The following UBASH3A variants were observed in gnomAD, a reference collection of about 807,000 sequenced individuals.
The protein encoded by UBASH3A is ubiquitin-associated and SH3 domain-containing protein A.
In UBASH3A, 63 loss-of-function variants were observed where a neutral mutation model predicts 73.5. The ratio of observed to expected loss-of-function variants is 0.86; its 90% confidence interval spans 0.70 to 1.06. UBASH3A has a LOEUF of 1.06. Ranked by LOEUF, UBASH3A falls within the 50% of genes least tolerant of loss-of-function variation. UBASH3A has a pLI of 0.00. For missense variants in UBASH3A, 860 were observed against 859.0 expected, an observed-to-expected ratio of 1.00 and a Z score of -0.02; for synonymous variants, 363 against 351.1, an observed-to-expected ratio of 1.03 and a Z score of -0.38.
intron 10 of UBASH3A, 168 bp downstream of exon 10, chr21:42,435,122 A>G: frequency 1.4e-6 from 1 of 726,988 alleles, no homozygotes. Flanking sequence ...AACTTGCCCA[A>G]GGTCACACAG....
intron 1 of UBASH3A, among the ~76,000 whole-genome samples, chr21:42,405,613 G>C (rs9981624): frequency 0.27 from 40,980 of 152,044 alleles, 5,979 homozygotes; most frequent in South Asian, 0.34. Context: ...TCATGTGGTG[G>C]GTTCCTCATG....
chr21:42,427,705 C>G (rs544921374), intron 8 of UBASH3A, among the ~76,000 whole-genome samples: 3 of 152,210 alleles, frequency 2.0e-5, no homozygotes, highest in Non-Finnish European at 4.4e-5. Context: ...GTGCCCACCA[C>G]GGCCAGGCCC....
Position 42,443,323 on chromosome 21 carries a change from CCCTGTCCG to C in UBASH3A, c.1646_1653del (p.Leu549ProfsTer75). On this transcript the variant is annotated frameshift_variant, in exon 13 of 15. Transcript: ENST00000319294. LOFTEE classifies it high-confidence loss of function. ...TCTCATCCTTCCAGGCCCGCGTTTCCCCTGTCCGCCCTCATGCCGGCCGAGAGCTACCA... is the reference window on the plus strand; with the variant it reads ...TCTCATCCTTCCAGGCCCGCGTTTCCCCCTCATGCCGGCCGAGAGCTACCA... 1 of 1,612,948 alleles carries C rather than the reference CCCTGTCCG, an allele frequency of 6.2e-7. No individual in the cohort carries two copies.
At chr21:42,414,634 GAC>G (rs1032121595) in intron 5 of UBASH3A, among the ~76,000 whole-genome samples, 1 of 152,206 alleles carries the variant, frequency 6.6e-6, no homozygotes, top group African/African-American at 2.4e-5. Flanking sequence ...GCCGCACAGA[GAC>G]ACAGAGAAGC....
chr21:42,426,847 T>G (rs2839510), intron 8 of UBASH3A, 27 bp downstream of exon 8: 155,867 of 1,609,564 alleles, frequency 0.097, 10,495 homozygotes, highest in African/African-American at 0.3. Context: ...TTTTTTCTTT[T>G]AAGTAAACTA....
intron 5 of UBASH3A, among the ~76,000 whole-genome samples, chr21:42,415,349 C>G (rs962773182): frequency 6.6e-6 from 1 of 152,116 alleles, no homozygotes; most frequent in Admixed American, 6.5e-5. Context: ...CATGCTGCTC[C>G]CCACCACCTA....
chr21:42,433,939 G>A (rs2053581597), intron 9 of UBASH3A, among the ~76,000 whole-genome samples: 1 of 152,158 alleles, frequency 6.6e-6, no homozygotes, highest in East Asian at 1.9e-4. Flanking sequence ...GTCTCAGGAA[G>A]GTCAGTGTGG....
At position 42,416,184 on chromosome 21, in the gene UBASH3A, T is replaced by C. The variant is rs367821964; in HGVS notation, c.668-258T>C. 2.0e-5 allele frequency among the ~76,000 whole-genome samples: 3 copies of C among 152,118 alleles called. 1 individual carries two copies. The highest frequency in any genetic ancestry group is 1.9e-4 in the East Asian group (1 of 5,160). ...GAGCCGTTTACTCTGTGCATCTGAATCGTGCATTCGGGCAGCTAGCCTGCA... is the reference window on the plus strand; with the variant it reads ...GAGCCGTTTACTCTGTGCATCTGAACCGTGCATTCGGGCAGCTAGCCTGCA... On this transcript the variant is annotated intron_variant, in intron 5 of 14. Coordinates refer to ENST00000319294, the MANE Select transcript of UBASH3A (RefSeq NM_018961.4).
intron 3 of UBASH3A, among the ~76,000 whole-genome samples, chr21:42,411,582 CAT>C (rs1310656147): frequency 6.6e-6 from 1 of 152,156 alleles, no homozygotes; most frequent in Non-Finnish European, 1.5e-5. Flanking sequence ...GACACACACA[CAT>C]ATAGACATAT....
intron 3 of UBASH3A, among the ~76,000 whole-genome samples, chr21:42,412,473 G>T (rs1219549439): frequency 6.6e-6 from 1 of 152,184 alleles, no homozygotes; most frequent in Non-Finnish European, 1.5e-5. Context: ...GCTGGTGAAG[G>T]CAAAAGAGGA....
intron 10 of UBASH3A, among the ~76,000 whole-genome samples, chr21:42,436,824 G>GA (rs398101649): frequency 2.2e-4 from 33 of 152,188 alleles, no homozygotes; most frequent in Non-Finnish European, 4.1e-4. Context: ...GCTTCAGTGG[G>GA]TCTTGAGTTT....
chr21:42,417,462 A>G (rs762815810), intron 6 of UBASH3A: 1 of 149,532 alleles, frequency 6.7e-6, no homozygotes. Flanking sequence ...GGAAAGGACT[A>G]TTGTAAAGAT....
rs1396442171 is a variant in UBASH3A, at chr21:42,413,504, C to G, written c.648C>G (p.Ser216Arg). 2 of 1,613,514 alleles carry G rather than the reference C, an allele frequency of 1.2e-6. No individual in the cohort carries two copies. The highest frequency in any genetic ancestry group is 1.7e-6 in the Non-Finnish European group (2 of 1,179,486). The change falls in exon 5 of 15, where the codon AGC becomes AGG. Residue 216 changes from serine (S) to arginine (R), a missense_variant. Physicochemically the swap from Ser to Arg is moderately radical, Grantham distance 110 (BLOSUM62 -1). Transcript: ENST00000319294. This position sits in a 1 kb window ranked among gnomAD's most constrained non-coding sequence, Gnocchi z 4.5. ...ATTTAACTAGAGCCTCCTTCGTGAG[C>G]CACTACATCCTTCAAAAATGTAAGC... Reference protein sequence around the residue: ...LSNLTRASFVSHYILQKYCSV... With the variant: ...LSNLTRASFVRHYILQKYCSV...
intron 7 of UBASH3A, 86 bp from the exon 8 acceptor site, chr21:42,426,611 C>A: frequency 6.7e-7 from 1 of 1,499,064 alleles, no homozygotes; most frequent in Non-Finnish European, 9.1e-7. Flanking sequence ...CGGACATTCT[C>A]AAGTACATAC....
chr21:42,427,054 C>T (rs149900860), intron 8 of UBASH3A, among the ~76,000 whole-genome samples: 134 of 152,254 alleles, frequency 8.8e-4, no homozygotes, highest in African/African-American at 2.9e-3. Context: ...GAGTGCCCCA[C>T]CTTGAGCTCC....
intron 10 of UBASH3A, among the ~76,000 whole-genome samples, chr21:42,436,375 G>A (rs944735986): frequency 2.0e-5 from 3 of 152,172 alleles, no homozygotes; most frequent in Non-Finnish European, 4.4e-5. Context: ...CTCCCAGTGT[G>A]AGCTCCCAGG....
chr21:42,435,857 T>C (rs1196206016), intron 10 of UBASH3A, among the ~76,000 whole-genome samples: 1 of 151,572 alleles, frequency 6.6e-6, no homozygotes, highest in Admixed American at 6.6e-5. Context: ...ATAGAGTTAG[T>C]TATAGAGTTA....
intron 11 of UBASH3A, among the ~76,000 whole-genome samples, chr21:42,439,525 G>A (rs1307604749): frequency 3.3e-5 from 5 of 152,082 alleles, no homozygotes; most frequent in Non-Finnish European, 5.9e-5. Context: ...GAAAGGACTC[G>A]CGAATCCCCA....
At position 42,404,010 on chromosome 21, in the gene UBASH3A, C is replaced by A. The variant is rs768256041; in HGVS notation, c.65C>A (p.Pro22His). The A allele has an allele frequency of 6.5e-7, 1 of 1,530,072 alleles. No individual in the cohort carries two copies. The highest frequency in any genetic ancestry group is 1.2e-5 in the South Asian group (1 of 81,350). The allele number at this position is 1,530,072 out of a possible 1,614,324, so 94.8% of individuals were successfully genotyped here. Residue 22 changes from proline (P) to histidine (H), a missense_variant, in exon 1 of 15, where the codon CCC becomes CAC. By Grantham distance (77) the Pro-to-His change is moderately conservative. Coordinates refer to ENST00000319294, the MANE Select transcript of UBASH3A (RefSeq NM_018961.4). ...VSNKLKSRSS[P>H]SLLEPLLAMG... is the part of the protein sequence containing the mutation. Reference sequence around the variant, plus strand: ...AACAAGCTCAAGAGCCGCAGCAGCCCCTCGCTCCTGGAGCCCCTCCTGGCC... The same window carrying A: ...AACAAGCTCAAGAGCCGCAGCAGCCACTCGCTCCTGGAGCCCCTCCTGGCC...
Sources: allele counts gnomAD v4.1 joint callset (sites outside exome capture counted in the v4.1 genomes callset), GRCh38; gene constraint gnomAD v4.1.1; non-coding constraint Gnocchi (gnomAD v3.1); transcripts MANE v1.5; gene names NCBI Gene and HGNC (gene_info 2026-07-23, HGNC 2026-07-21).